The following AK7 variants were observed in gnomAD, a reference collection of about 807,000 sequenced individuals.
AK7 encodes the protein adenylate kinase 7.
A neutral mutation model predicts 96.6 loss-of-function variants in AK7; 78 were observed. The ratio of observed to expected loss-of-function variants is 0.81; its 90% CI spans 0.67 to 0.97. The LOEUF (loss-of-function observed/expected upper bound fraction) is 0.97, where lower values mean the gene tolerates loss of function less well. AK7 is among the 50% of genes least tolerant of loss of function. The probability of loss-of-function intolerance (pLI) is 0.00; values close to 1 mark genes in which losing one functional copy is unlikely to be tolerated. For synonymous variants in AK7, 302 were observed against 317.2 expected (o/e 0.95, Z 0.51); for missense variants, 855 against 887.9 (o/e 0.96, Z 0.47).
At chr14:96,412,309 C>A (rs1165600152) in intron 4 of AK7, among the ~76,000 whole-genome samples, 1 of 149,542 alleles carries the variant, frequency 6.7e-6, no homozygotes, top group Non-Finnish European at 1.5e-5. Context: ...CTCACTGCAA[C>A]CTCCGCCTCC....
rs754143982 is a variant in AK7 at position 96,471,531 on chromosome 14, A to G, written c.1411A>G (p.Met471Val). 2 of 1,568,902 alleles carry G rather than the reference A, an allele frequency of 1.3e-6. No homozygotes were observed. The highest frequency in any genetic ancestry group is 1.8e-5 in the Admixed American group (1 of 56,670). The change falls in exon 13 of 18, where the codon ATG (methionine) becomes GTG (valine). Residue 471 changes from methionine (M) to valine (V), a missense_variant. Coordinates refer to ENST00000267584, the MANE Select transcript of AK7 (RefSeq NM_152327.5). ...ATTTATGAAAGAAAAGCTAAAATCA[A>G]TGCCTTGCAGGAATCAAGGTTATAT... ...IRFMKEKLKS[M>V]PCRNQGYILD...
intron 10 of AK7, among the ~76,000 whole-genome samples, chr14:96,456,098 G>A (rs1893881236): frequency 6.6e-6 from 1 of 151,966 alleles, no homozygotes; most frequent in African/African-American, 2.4e-5. Flanking sequence ...AATTAGCTGG[G>A]CATGGTGGTG....
chr14:96,404,985 C>A, intron 3 of AK7, 120 bp downstream of exon 3: 2 of 505,166 alleles, frequency 4.0e-6, no homozygotes, highest in East Asian at 2.9e-5. Context: ...CTGAGACTTA[C>A]CTAAAGTATG....
intron 14 of AK7, among the ~76,000 whole-genome samples, chr14:96,473,592 T>G (rs1272096813): frequency 1.3e-5 from 2 of 152,108 alleles, no homozygotes; most frequent in East Asian, 3.8e-4. Flanking sequence ...ATTTTTTTTT[T>G]TAGGAAAAAT....
chr14:96,417,583 G>A (rs1236655227), intron 4 of AK7, among the ~76,000 whole-genome samples: 8 of 152,166 alleles, frequency 5.3e-5, no homozygotes, highest in Non-Finnish European at 1.2e-4. Context: ...TCAACTCATT[G>A]GTAAATTCTG....
chr14:96,449,483 G>C (rs1893455826), intron 8 of AK7, among the ~76,000 whole-genome samples: 1 of 152,210 alleles, frequency 6.6e-6, no homozygotes, highest in African/African-American at 2.4e-5. Context: ...GCCCAGGCTG[G>C]AGTGCAGTGG....
chr14:96,419,715 T>C (rs1344897821), intron 4 of AK7, among the ~76,000 whole-genome samples: 1 of 152,028 alleles, frequency 6.6e-6, no homozygotes, highest in Non-Finnish European at 1.5e-5. Flanking sequence ...GAAAGACTTT[T>C]AGTTTTTAAT....
intron 12 of AK7, among the ~76,000 whole-genome samples, chr14:96,468,676 G>A (rs967035232): frequency 1.3e-5 from 2 of 151,938 alleles, no homozygotes; most frequent in African/African-American, 4.8e-5. Flanking sequence ...GGGGATGAGG[G>A]GACAGAAGCC....
At chr14:96,451,918 A>G (rs1382394777) in intron 10 of AK7, among the ~76,000 whole-genome samples, 1 of 152,188 alleles carries the variant, frequency 6.6e-6, no homozygotes, top group Non-Finnish European at 1.5e-5. Context: ...GTGATGTCGC[A>G]GTGTTGTCCA....
chr14:96,456,508 A>C, intron 11 of AK7, 33 bp downstream of exon 11: 1 of 1,603,910 alleles, frequency 6.2e-7, no homozygotes, highest in East Asian at 2.2e-5. Context: ...TGGGCATTTT[A>C]ATTAATTACT....
intron 12 of AK7, among the ~76,000 whole-genome samples, chr14:96,465,866 C>T (rs371414785): frequency 6.6e-6 from 1 of 152,000 alleles, no homozygotes; most frequent in African/African-American, 2.4e-5. Context: ...AAAAATTAGC[C>T]AGGTGCGGTG....
intron 5 of AK7, among the ~76,000 whole-genome samples, chr14:96,427,476 C>T (rs1195200070): frequency 4.6e-5 from 7 of 152,198 alleles, no homozygotes; most frequent in South Asian, 2.1e-4. Context: ...ATTACAAGAA[C>T]GGCAAGGGGT....
At chr14:96,453,929 G>A (rs777423920) in intron 10 of AK7, among the ~76,000 whole-genome samples, 4 of 152,074 alleles carry the variant, frequency 2.6e-5, no homozygotes, top group Admixed American at 6.6e-5. Flanking sequence ...AGCCCTGCTC[G>A]TCAGGACTCA....
intron 10 of AK7, 104 bp downstream of exon 10, chr14:96,451,674 AT>A (rs1189028761): frequency 2.5e-6 from 3 of 1,195,958 alleles, no homozygotes; most frequent in Non-Finnish European, 3.2e-6. Context: ...AGACGTTCAA[AT>A]TTCTAATTTC....
At chr14:96,470,759 G>A (rs141331572) in intron 12 of AK7, among the ~76,000 whole-genome samples, 14 of 152,280 alleles carry the variant, frequency 9.2e-5, no homozygotes, top group African/African-American at 3.4e-4. Context: ...TTATGTGCTG[G>A]CAACAAACAT....
chr14:96,479,385 C>CT (rs59937453), intron 15 of AK7, among the ~76,000 whole-genome samples: 31,576 of 140,746 alleles, frequency 0.22, 3,363 homozygotes, highest in South Asian at 0.32. Flanking sequence ...CCGACAAACT[C>CT]TTTTTTTTTT....
chr14:96,437,780 C>A, intron 5 of AK7, 55 bp from the exon 6 acceptor site: 1 of 1,341,476 alleles, frequency 7.5e-7, no homozygotes, highest in Non-Finnish European at 1.1e-6. Flanking sequence ...TAATCTGGTT[C>A]AGTATGACTA....
chr14:96,427,201 C>G (rs1367845070), intron 5 of AK7, among the ~76,000 whole-genome samples: 1 of 152,170 alleles, frequency 6.6e-6, no homozygotes, highest in Non-Finnish European at 1.5e-5. Context: ...GCTGAGATCA[C>G]TCCATTGCAC....
At chr14:96,472,191 TCCGTCAC>T (rs1027567333) in intron 13 of AK7, among the ~76,000 whole-genome samples, 1 of 152,178 alleles carries the variant, frequency 6.6e-6, no homozygotes, top group Non-Finnish European at 1.5e-5. Flanking sequence ...AAATAGACCA[TCCGTCAC>T]CCAGGCTGGA....
Sources: allele counts gnomAD v4.1 joint callset (sites outside exome capture counted in the v4.1 genomes callset), GRCh38; gene constraint gnomAD v4.1.1; transcripts MANE v1.5; gene names NCBI Gene and HGNC (gene_info 2026-07-23, HGNC 2026-07-21).